The following NKX2-2 variants were observed in gnomAD, a reference collection of about 807,000 sequenced individuals.
NKX2-2 encodes NK2 homeobox 2.
NKX2-2 carries 8 observed loss-of-function variants against 24.6 expected under a neutral mutation model. That is an observed-to-expected ratio of 0.32 (90% CI 0.19 to 0.59). The LOEUF (loss-of-function observed/expected upper bound fraction) is 0.59, where lower values mean the gene tolerates loss of function less well. Ranked by LOEUF, NKX2-2 falls within the 20% of genes least tolerant of loss-of-function variation. The probability of loss-of-function intolerance (pLI) is 0.86; values close to 1 mark genes in which losing one functional copy is unlikely to be tolerated. For synonymous variants in NKX2-2, 217 were observed against 173.3 expected (o/e 1.25, Z -1.98); for missense variants, 381 against 373.9 (o/e 1.02, Z -0.16).
upstream of NKX2-2, among the ~76,000 whole-genome samples, chr20:21,515,597 T>C (rs957387117): frequency 9.0e-6 from 1 of 111,426 alleles, no homozygotes; most frequent in Non-Finnish European, 2.0e-5. Flanking sequence ...AAAACTTTTT[T>C]GGGGGGGGGG....
At chr20:21,519,405 G>T in the NKX2-2 span, among the ~76,000 whole-genome samples, 1 of 152,234 alleles carries the variant, frequency 6.6e-6, no homozygotes, top group African/African-American at 2.4e-5. Context: ...TCCTGCTCCA[G>T]CAAGGATTAA....
upstream of NKX2-2, among the ~76,000 whole-genome samples, chr20:21,518,748 G>C (rs1204174102): frequency 6.6e-6 from 1 of 152,224 alleles, no homozygotes; most frequent in Admixed American, 6.5e-5. Flanking sequence ...CTGTTGTGGG[G>C]GTGCGCTCTA....
At chr20:21,515,606 G>T (rs866049947), upstream of NKX2-2, among the ~76,000 whole-genome samples, 22 of 151,782 alleles carry the variant, frequency 1.4e-4, 1 homozygote, top group African/African-American at 4.1e-4. Flanking sequence ...TTGGGGGGGG[G>T]GTGCAGGGGT....
chr20:21,513,218 T>C lies in NKX2-2; in HGVS notation c.259+193A>G, dbSNP rs1049239606. Among the ~76,000 whole-genome samples the C allele has an allele frequency of 2.0e-5, 3 of 152,212 alleles. No homozygotes were observed. The highest frequency in any genetic ancestry group is 2.0e-4 in the Admixed American group (3 of 15,282). ...AAAAAATTTTGGAGACCAAGTTCTT[T>C]CCCGGAACTAAGGAGGCTTGAAGAG... On this transcript the variant is annotated intron_variant, in intron 1 of 1. Transcript: ENST00000377142. The surrounding 1 kb of genome is among the most constrained non-coding windows in gnomAD (Gnocchi z 4.6).
chr20:21,518,527 CGCCGGAG>C (rs1245534485), upstream of NKX2-2, among the ~76,000 whole-genome samples: 1 of 152,144 alleles, frequency 6.6e-6, no homozygotes, highest in Non-Finnish European at 1.5e-5. Flanking sequence ...GCTGAACAAT[CGCCGGAG>C]GCCCAGGAGG....
chr20:21,513,576 G>A lies in NKX2-2; in HGVS notation c.94C>T (p.Pro32Ser). The stretch of plus-strand genomic sequence containing the variant: ...TCGGGCCCCTCGTTCTCTTCCTCCG[G>A]ACCTTCGGCCACAGAGCCCTCCTCA... The part of the protein sequence containing the change: ...NDEEGSVAEG[P>S]EEENEGPEPA... The change falls in exon 1 of 2, where the codon CCG becomes TCG. Residue 32 changes from proline to serine, a missense_variant. By Grantham distance (74) the Pro-to-Ser change is moderately conservative (BLOSUM62 -1). Coordinates refer to ENST00000377142, the MANE Select transcript of NKX2-2 (RefSeq NM_002509.4). The surrounding 1 kb of genome is among the most constrained non-coding windows in gnomAD (Gnocchi z 4.6). 1 of 1,613,672 alleles carries A rather than the reference G, an allele frequency of 6.2e-7. No homozygotes were observed. The highest frequency in any genetic ancestry group is 8.5e-7 in the Non-Finnish European group (1 of 1,179,808).
chr20:21,512,176 T>G lies in NKX2-2; in HGVS notation c.569A>C (p.Lys190Thr). The change falls in exon 2 of 2, where the codon AAA (lysine) becomes ACA (threonine). Residue 190 changes from lysine to threonine, a missense_variant. By Grantham distance (78) the Lys-to-Thr change is moderately conservative (BLOSUM62 -1). Transcript: ENST00000377142. The stretch of plus-strand genomic sequence containing the variant: ...GGGCAGGGGCGTCACCTCCATACCT[T>G]TCTCGGCCCGGGCGCGCTTCATCTT... ...RYKMKRARAEKGMEVTPLPSP... is the reference protein window; with the variant it reads ...RYKMKRARAETGMEVTPLPSP... 6.2e-7 allele frequency: 1 copy of G among 1,613,908 alleles called. No homozygotes were observed. The highest frequency in any genetic ancestry group is 2.2e-5 in the East Asian group (1 of 44,854).
chr20:21,520,897 A>G, the NKX2-2 span, among the ~76,000 whole-genome samples: 39 of 152,326 alleles, frequency 2.6e-4, no homozygotes, highest in African/African-American at 7.9e-4. Flanking sequence ...GGGTTTCTCC[A>G]GGAAACACGC....
upstream of NKX2-2, among the ~76,000 whole-genome samples, chr20:21,518,177 G>A (rs1980687842): frequency 6.6e-6 from 1 of 152,156 alleles, no homozygotes; most frequent in South Asian, 2.1e-4. Context: ...TGGAAGTTCT[G>A]AACCCAGCAT....
the NKX2-2 span, among the ~76,000 whole-genome samples, chr20:21,520,926 T>C: frequency 2.0e-5 from 3 of 152,198 alleles, no homozygotes; most frequent in Non-Finnish European, 4.4e-5. Flanking sequence ...CACTCTCTTA[T>C]CTGAATTTAC....
In NKX2-2 at chr20:21,512,165, C is replaced by T. The variant is rs978561870; in HGVS notation, c.580G>A (p.Val194Met). The T allele has an allele frequency of 1.4e-5, 22 of 1,613,782 alleles. No homozygotes were observed. The highest frequency in any genetic ancestry group is 1.8e-5 in the Non-Finnish European group (21 of 1,179,940). ...CGGCGCGGCGAGGGCAGGGGCGTCA[C>T]CTCCATACCTTTCTCGGCCCGGGCG... ...KRARAEKGME[V>M]TPLPSPRRVA... Residue 194 changes from valine (V) to methionine (M), a missense_variant, in exon 2 of 2, where the codon GTG becomes ATG. Transcript: ENST00000377142.
At chr20:21,512,512 G>C in intron 1 of NKX2-2, 27 bp from the exon 2 acceptor site, 2 of 1,499,538 alleles carry the variant, frequency 1.3e-6, no homozygotes, top group Non-Finnish European at 1.8e-6. Context: ...AGAGAAGCGC[G>C]TCAGGCGTCT....
Position 21,512,385 on chromosome 20 carries a change from G to A in NKX2-2, c.360C>T (p.Gly120=), listed in dbSNP as rs749057448. 6.9e-6 allele frequency: 11 copies of A among 1,601,434 alleles called. No homozygotes were observed. Among genetic ancestry groups the A allele is most frequent in the Middle Eastern group, 1.7e-4 (1 of 5,780 alleles). ...ESPDNDKETP[G]GGGDAGKKRK... ...GCTTCTTGCCGGCGTCCCCCCCGCC[G>A]CCCGGGGTCTCCTTGTCATTGTCCG... Residue 120 remains glycine (G), a synonymous_variant, in exon 2 of 2, where the codon GGC becomes GGT. Coordinates refer to ENST00000377142, the MANE Select transcript of NKX2-2 (RefSeq NM_002509.4).
the NKX2-2 span, among the ~76,000 whole-genome samples, chr20:21,520,748 T>C: frequency 1.3e-5 from 2 of 152,218 alleles, no homozygotes. Flanking sequence ...GGCGAACTCC[T>C]TGGCTTTATT....
rs200688411 is a variant in NKX2-2 at position 21,511,890 on chromosome 20, G to A, written c.*33C>T. 12 of 1,534,128 alleles carry A rather than the reference G, an allele frequency of 7.8e-6. No individual in the cohort carries two copies. In the East Asian group the frequency reaches 1.6e-4, roughly 20 times the overall value. On this transcript the variant is annotated 3_prime_UTR_variant, in exon 2 of 2. Transcript: ENST00000377142. ...GCCACCGCCGCCGGGGTGGGGCCTGGGCCTGGGGCCGCGAGTCTCGTTGGG... is the reference window on the plus strand; with the variant it reads ...GCCACCGCCGCCGGGGTGGGGCCTGAGCCTGGGGCCGCGAGTCTCGTTGGG...
upstream of NKX2-2, among the ~76,000 whole-genome samples, chr20:21,517,430 C>T (rs1980667461): frequency 1.3e-5 from 2 of 152,208 alleles, no homozygotes; most frequent in Non-Finnish European, 2.9e-5. Flanking sequence ...TCTCCCGGGA[C>T]CTCGAGACTC....
Position 21,512,075 on chromosome 20 carries a change from C to A in NKX2-2, c.670G>T (p.Ala224Ser). 1 of 1,613,868 alleles carries A rather than the reference C, an allele frequency of 6.2e-7. No individual in the cohort carries two copies. Among genetic ancestry groups the A allele is most frequent in the Non-Finnish European group, 8.5e-7 (1 of 1,179,956 alleles). The change falls in exon 2 of 2, where the codon GCA becomes TCA. Residue 224 changes from alanine (A) to serine (S), a missense_variant. This residue lies in a region of NKX2-2 where 139 missense variants were observed against 121.7 expected (regional missense o/e 1.14). Transcript: ENST00000377142. ...PCHALKAQDL[A>S]AATFQAGIPF... ...ATGCCCGCCTGGAAGGTGGCGGCTG[C>A]CAGGTCCTGGGCTTTGAGCGCGTGA...
In NKX2-2 at chr20:21,512,130, C is replaced by G; in HGVS notation, c.615G>C (p.Val205=). The G allele has an allele frequency of 6.2e-7, 1 of 1,613,690 alleles. No individual in the cohort carries two copies. Among genetic ancestry groups the G allele is most frequent in the Non-Finnish European group, 8.5e-7 (1 of 1,179,872 alleles). The change falls in exon 2 of 2, where the codon GTG becomes GTC. Residue 205 remains valine, a synonymous_variant. Coordinates refer to ENST00000377142, the MANE Select transcript of NKX2-2 (RefSeq NM_002509.4). ...TPLPSPRRVA[V]PVLVRDGKPC... is the part of the protein sequence containing the mutation. Reference sequence around the variant, plus strand: ...GTTTGCCGTCCCTGACCAAGACGGGCACGGCCACCCGGCGCGGCGAGGGCA... The same window carrying G: ...GTTTGCCGTCCCTGACCAAGACGGGGACGGCCACCCGGCGCGGCGAGGGCA...
chr20:21,518,062 T>G (rs1393281314), upstream of NKX2-2, among the ~76,000 whole-genome samples: 1 of 152,202 alleles, frequency 6.6e-6, no homozygotes, highest in Non-Finnish European at 1.5e-5. Context: ...CCGTCAAGTT[T>G]GGGTTTGAGC....
Sources: gnomAD v4.1 joint callset for allele counts (sites outside exome capture counted in the v4.1 genomes callset) on GRCh38, gnomAD v4.1.1 for gene constraint, gnomAD v4.1.1 regional missense constraint, Gnocchi (gnomAD v3.1) non-coding constraint, MANE v1.5 for transcripts, NCBI Gene and HGNC (gene_info 2026-07-23, HGNC 2026-07-21) for gene names.